Variants in CCDC39 observed in about 807,000 individuals in gnomAD.
CCDC39 encodes the protein coiled-coil domain-containing protein 39.
Under a neutral mutation model 121.0 loss-of-function variants are expected in CCDC39, and 113 were observed. The observed-to-expected ratio is 0.93, with a 90% confidence interval of 0.80 to 1.09. CCDC39 has a LOEUF of 1.09. Among genes scored for constraint, CCDC39 ranks in the 50% least tolerant of loss-of-function variants. The pLI, the probability that CCDC39 is intolerant of heterozygous loss-of-function variation, is 0.00. For missense variants in CCDC39, 1,063 were observed against 1,074.7 expected (o/e 0.99, Z 0.15); for synonymous variants, 349 against 352.2 (o/e 0.99, Z 0.10).
At chr3:180,673,752 T>C (rs1712112966) in intron 1 of CCDC39, among the ~76,000 whole-genome samples, 1 of 152,022 alleles carries the variant, frequency 6.6e-6, no homozygotes, top group Non-Finnish European at 1.5e-5. Flanking sequence ...AAGGTAACAG[T>C]TGTAAAACAG....
At position 180,651,538 on chromosome 3, in the gene CCDC39, A is replaced by G. The variant is rs200089274; in HGVS notation, c.1035-5T>C. 3.8e-5 allele frequency: 58 copies of G among 1,517,888 alleles called. No homozygotes were observed. In the African/African-American group the frequency reaches 7.0e-4, roughly 18 times the overall value. The allele number at this position is 1,517,888 out of a possible 1,614,324, so 94.0% of individuals were successfully genotyped here. A position where few individuals can be genotyped will look rare whatever the true frequency, so the allele number is the denominator to read the frequency against. On this transcript the variant is annotated splice_polypyrimidine_tract_variant and splice_region_variant and intron_variant, in intron 8 of 19. Coordinates refer to ENST00000476379, the MANE Select transcript of CCDC39 (RefSeq NM_181426.2). ...TGATTTTTAGTTTTTTGTAACCTGA[A>G]GAGGGTTTATCACAAAAAGATAGAA...
rs1717698018 is a variant in CCDC39, at chr3:180,631,567, T to G, written c.1900A>C (p.Lys634Gln). Residue 634 changes from lysine to glutamine, a missense_variant, in exon 14 of 20, where the codon AAA (lysine) becomes CAA (glutamine). Coordinates refer to ENST00000476379, the MANE Select transcript of CCDC39 (RefSeq NM_181426.2). ...TATCTATTCTTCAGCTTCTCAATTT[T>G]ACTTAGCCGCTCGCGAAACTCAGTG... is the stretch of plus-strand genomic sequence containing the variant. Reference protein sequence around the residue: ...ISTEFRERLSKIEKLKNRYEI... With the variant: ...ISTEFRERLSQIEKLKNRYEI... 6.2e-7 allele frequency: 1 copy of G among 1,608,588 alleles called. No homozygotes were observed. The highest frequency in any genetic ancestry group is 1.7e-5 in the Admixed American group (1 of 59,784).
intron 13 of CCDC39, among the ~76,000 whole-genome samples, chr3:180,633,370 A>G (rs112236976): frequency 1.3e-3 from 199 of 152,374 alleles, no homozygotes; most frequent in Non-Finnish European, 2.2e-3. Context: ...TCAGTCTTCT[A>G]ATTAGTACCA....
At chr3:180,670,641 T>TTG (rs1182011253) in intron 1 of CCDC39, among the ~76,000 whole-genome samples, 2 of 133,316 alleles carry the variant, frequency 1.5e-5, no homozygotes, top group African/African-American at 7.1e-5. Flanking sequence ...TTTTTTCTCT[T>TTG]TTTTTTTTTT....
In CCDC39 at chr3:180,650,178, C is replaced by T. The variant is rs576148553; in HGVS notation, c.1167+1223G>A. Among the ~76,000 whole-genome samples, 74 of 152,220 alleles carry T rather than the reference C, an allele frequency of 4.9e-4. 1 individual carries two copies. In the Middle Eastern group the frequency reaches 0.017, roughly 35 times the overall value. On this transcript the variant is annotated intron_variant, in intron 9 of 19. Transcript: ENST00000476379. ...TAGTTCACTTTGAAGTTTTCAAAGA[C>T]GAAGTGGTGCACCAGCCTTTTCCAG... is the stretch of plus-strand genomic sequence containing the variant.
At chr3:180,678,510 A>AT (rs751508516) in intron 1 of CCDC39, among the ~76,000 whole-genome samples, 1 of 151,182 alleles carries the variant, frequency 6.6e-6, no homozygotes. Flanking sequence ...TTATTTTTTT[A>AT]TTTTTTCGTA....
chr3:180,676,470 G>A (rs1414788337), intron 1 of CCDC39, among the ~76,000 whole-genome samples: 13 of 152,306 alleles, frequency 8.5e-5, no homozygotes, highest in East Asian at 5.8e-4. Flanking sequence ...TTAGAATGGC[G>A]ATCATTAAAA....
chr3:180,631,725 T>C, intron 13 of CCDC39, 133 bp from the exon 14 acceptor site: 1 of 727,824 alleles, frequency 1.4e-6, no homozygotes, highest in Admixed American at 3.1e-5. Flanking sequence ...TGTTCTCACG[T>C]TTTAATTTAA....
At chr3:180,660,778 C>T (rs1387911727) in intron 3 of CCDC39, 50 bp from the exon 4 acceptor site, 1 of 1,515,994 alleles carries the variant, frequency 6.6e-7, no homozygotes, top group East Asian at 2.4e-5. Context: ...ACATTACTTA[C>T]TATACAGACT....
chr3:180,618,816 A>G (rs1717344865), intron 16 of CCDC39, among the ~76,000 whole-genome samples: 1 of 152,132 alleles, frequency 6.6e-6, no homozygotes, highest in African/African-American at 2.4e-5. Context: ...ATTGTTGGAC[A>G]TTTGGGTTGG....
rs1718118285 is a variant in CCDC39 at position 180,648,204 on chromosome 3, A to C, written c.1323T>G (p.Asp441Glu). Residue 441 changes from aspartate to glutamate, a missense_variant, in exon 10 of 20, where the codon GAT becomes GAG. Physicochemically the swap from Asp to Glu is conservative, Grantham distance 45. Transcript: ENST00000476379. ...TTTCTTGCTGCTTCAAGGTTTCAAA[A>C]TCCAGTTTTTGTAACTGATGGTTGA... ...KHLNHQLQKL[D>E]FETLKQQEIM... is the part of the protein sequence containing the mutation. 6.2e-7 allele frequency: 1 copy of C among 1,613,322 alleles called. No homozygotes were observed. The highest frequency in any genetic ancestry group is 1.3e-5 in the African/African-American group (1 of 74,888).
chr3:180,671,854 C>T (rs1712057154), intron 1 of CCDC39, among the ~76,000 whole-genome samples: 1 of 152,144 alleles, frequency 6.6e-6, no homozygotes. Flanking sequence ...AGGAAAGAAA[C>T]CATCTCCACA....
chr3:180,642,033 AC>A lies in CCDC39; in HGVS notation c.1833del (p.Ser612HisfsTer3), dbSNP rs1256848235. On this transcript the variant is annotated frameshift_variant, in exon 13 of 20. Transcript: ENST00000476379. LOFTEE classifies it high-confidence loss of function. ...TCTTGATCAACATATCTTATTTGTGACGCAAGCATTGTTTTATGAACCTTGA... is the reference window on the plus strand; with the variant it reads ...TCTTGATCAACATATCTTATTTGTGAGCAAGCATTGTTTTATGAACCTTGA... ...EEIKVHKTML[A>X]SQIRYVDQER... The A allele has an allele frequency of 1.2e-6, 2 of 1,604,058 alleles. No individual in the cohort carries two copies. Among genetic ancestry groups the A allele is most frequent in the Admixed American group, 3.4e-5 (2 of 59,138 alleles).
chr3:180,616,354 C>A lies in CCDC39; in HGVS notation c.2596G>T (p.Glu866Ter), dbSNP rs757823891. 28 of 1,611,702 alleles carry A rather than the reference C, an allele frequency of 1.7e-5. No individual in the cohort carries two copies. Among genetic ancestry groups the A allele is most frequent in the Admixed American group, 1.0e-4 (6 of 59,842 alleles). The change falls in exon 19 of 20, where the codon GAA (glutamate) becomes TAA (stop). Residue 866 changes from glutamate (E) to a stop codon, truncating the protein, a stop_gained. Transcript: ENST00000476379. LOFTEE classifies it high-confidence loss of function. ...LQTYFQQSGLELPTASTKGSR... is the reference protein window; with the variant it reads ...LQTYFQQSGL ...CCTTTTGTGCTAGCTGTAGGTAGTT[C>A]TAACCCACTCTGGAGGAATATTCAA... is the stretch of plus-strand genomic sequence containing the variant.
chr3:180,657,538 G>T (rs1711611694), intron 6 of CCDC39, among the ~76,000 whole-genome samples: 1 of 152,148 alleles, frequency 6.6e-6, no homozygotes, highest in African/African-American at 2.4e-5. Flanking sequence ...ATTAAAATCA[G>T]ACAGAAATAA....
chr3:180,633,755 A>T (rs1371546586), intron 13 of CCDC39, among the ~76,000 whole-genome samples: 1 of 152,178 alleles, frequency 6.6e-6, no homozygotes, highest in Non-Finnish European at 1.5e-5. Flanking sequence ...GACCCAAAGG[A>T]AGACTTGAAT....
Position 180,679,133 on chromosome 3 carries a change from G to C in CCDC39, c.90+158C>G, listed in dbSNP as rs1277999555. On this transcript the variant is annotated intron_variant, in intron 1 of 19. Transcript: ENST00000476379. This position sits in a 1 kb window ranked among gnomAD's most constrained non-coding sequence, Gnocchi z 4.0. ...TGCTTAACAATTACTGAAATAGGCA[G>C]AGAGGGTAAGGGAGGAGGGCGATGG... Among the ~76,000 whole-genome samples the C allele has an allele frequency of 2.0e-5, 3 of 152,168 alleles. No homozygotes were observed. The highest frequency in any genetic ancestry group is 7.2e-5 in the African/African-American group (3 of 41,438).
At chr3:180,650,471 AATATACAAATAGAT>A (rs1393808855) in intron 9 of CCDC39, among the ~76,000 whole-genome samples, 30 of 152,332 alleles carry the variant, frequency 2.0e-4, no homozygotes, top group African/African-American at 7.2e-4. Context: ...ATTTGTATGC[AATATACAAATAGAT>A]ATATGGATGA....
At chr3:180,654,221 C>CAAAA (rs76424115) in intron 7 of CCDC39, among the ~76,000 whole-genome samples, 669 of 44,510 alleles carry the variant, frequency 0.015, 3 homozygotes, top group Non-Finnish European at 0.019. Context: ...TAGCCACACG[C>CAAAA]AAAAAAAAAA....
Sources: gnomAD v4.1 joint callset for allele counts (sites outside exome capture counted in the v4.1 genomes callset) on GRCh38, gnomAD v4.1.1 for gene constraint, Gnocchi (gnomAD v3.1) non-coding constraint, MANE v1.5 for transcripts, NCBI Gene and HGNC (gene_info 2026-07-23, HGNC 2026-07-21) for gene names.